The following FADS2 variants were observed in gnomAD, a reference collection of about 807,000 sequenced individuals.
The protein encoded by FADS2 is fatty acid desaturase 2.
In FADS2, 18 loss-of-function variants were observed where a neutral mutation model predicts 61.2. The observed-to-expected ratio is 0.29, with a 90% CI of 0.20 to 0.44. The LOEUF (loss-of-function observed/expected upper bound fraction) is 0.44, where lower values mean the gene tolerates loss of function less well. FADS2 is among the 20% of genes least tolerant of loss of function. FADS2 has a pLI of 1.00. For missense variants in FADS2, 322 were observed against 572.7 expected, an observed-to-expected ratio of 0.56 and a Z score of 4.47; for synonymous variants, 203 against 223.9, an observed-to-expected ratio of 0.91 and a Z score of 0.83.
chr11:61,822,877 G>A (rs951625279), intron 1 of FADS2, among the ~76,000 whole-genome samples: 3 of 152,058 alleles, frequency 2.0e-5, no homozygotes, highest in African/African-American at 7.2e-5. Flanking sequence ...TAAATGTTGC[G>A]ATGGATATTT....
At position 61,840,546 on chromosome 11, in the gene FADS2, C is replaced by T. The variant is rs774351122; in HGVS notation, c.516+15C>T. On this transcript the variant is annotated intron_variant, in intron 3 of 11. Transcript: ENST00000278840. ...CTACCTCTCAGGTGAGGCGTGACAC[C>T]CTCACTTCCCCTAGCTGACAGAGGC... is the stretch of plus-strand genomic sequence containing the variant. 5 of 1,613,854 alleles carry T rather than the reference C, an allele frequency of 3.1e-6. No individual in the cohort carries two copies. Among genetic ancestry groups the T allele is most frequent in the Non-Finnish European group, 4.2e-6 (5 of 1,179,848 alleles).
At chr11:61,853,159 CAA>C (rs1262281665) in intron 5 of FADS2, among the ~76,000 whole-genome samples, 1 of 44,834 alleles carries the variant, frequency 2.2e-5, no homozygotes, top group Non-Finnish European at 4.4e-5. Context: ...CGTCTCAAAA[CAA>C]CAACAACAAC....
chr11:61,847,427 G>C (rs1429869084), intron 4 of FADS2: 6 of 152,006 alleles, frequency 3.9e-5, no homozygotes, highest in African/African-American at 9.7e-5. Flanking sequence ...TCAGCTTTCT[G>C]TCTCTATAGA....
Position 61,863,915 on chromosome 11 carries a change from G to A in FADS2, c.1157+129G>A, listed in dbSNP as rs73489308. 9.9e-3 allele frequency: 7,534 copies of A among 760,688 alleles called. 226 individuals carry two copies. The highest frequency in any genetic ancestry group is 0.051 in the East Asian group (1,934 of 37,612). 47.1% of individuals were successfully genotyped at this position (760,688 alleles called of 1,614,324 possible). On this transcript the variant is annotated intron_variant, in intron 10 of 11. Transcript: ENST00000278840. ...TCTGACAAGGTCTCTGCCCAATATA[G>A]AGCAAGGCTCCCAGCCAGCCCCGCT...
chr11:61,822,056 G>A (rs1180723527), intron 1 of FADS2, among the ~76,000 whole-genome samples: 2 of 151,246 alleles, frequency 1.3e-5, no homozygotes, highest in African/African-American at 2.4e-5. Context: ...TGCAACCTCC[G>A]CCTCCAGGGC....
chr11:61,860,926 C>A (rs1392778522), intron 7 of FADS2, among the ~76,000 whole-genome samples: 1 of 151,184 alleles, frequency 6.6e-6, no homozygotes, highest in East Asian at 2.0e-4. Flanking sequence ...AAAAGTTGGG[C>A]CAGGGCAATG....
chr11:61,823,072 ACTT>A (rs969023973), intron 1 of FADS2, among the ~76,000 whole-genome samples: 2 of 152,172 alleles, frequency 1.3e-5, no homozygotes, highest in Non-Finnish European at 1.5e-5. Context: ...GTTTTACTGC[ACTT>A]CTTATCACCA....
upstream of FADS2, among the ~76,000 whole-genome samples, chr11:61,824,502 G>GAGA (rs140558358): frequency 2.7e-3 from 58 of 21,682 alleles, 15 homozygotes; most frequent in East Asian, 8.7e-3. Context: ...AAGAAAGAAA[G>GAGA]GAAAGAAAGA....
chr11:61,837,906 C>A lies in FADS2; in HGVS notation c.318+18C>A, dbSNP rs774797493. On this transcript the variant is annotated intron_variant, in intron 2 of 11. Coordinates refer to ENST00000278840, the MANE Select transcript of FADS2 (RefSeq NM_004265.4). The stretch of plus-strand genomic sequence containing the variant: ...GCAAGAACGTAAGTCTGGCTTGCAA[C>A]CTGGGTGGGGGTGGAGACGAGGCTG... 2 of 1,580,000 alleles carry A rather than the reference C, an allele frequency of 1.3e-6. No individual in the cohort carries two copies. Among genetic ancestry groups the A allele is most frequent in the East Asian group, 2.3e-5 (1 of 44,376 alleles).
At position 61,828,612 on chromosome 11, in the gene FADS2, G is replaced by T; in HGVS notation, c.207+15G>T. The stretch of plus-strand genomic sequence containing the variant: ...AAGATGCAACGGTAAGGGTCTGGGG[G>T]CGCCCCAGCCACCCTTCTCTGCTGC... On this transcript the variant is annotated intron_variant, in intron 1 of 11. Transcript: ENST00000278840. This position sits in a 1 kb window ranked among gnomAD's most constrained non-coding sequence, Gnocchi z 6.4. 1.2e-6 allele frequency: 2 copies of T among 1,605,110 alleles called. No homozygotes were observed. The highest frequency in any genetic ancestry group is 1.7e-6 in the Non-Finnish European group (2 of 1,174,140).
chr11:61,852,121 C>T (rs2067311945), intron 5 of FADS2, among the ~76,000 whole-genome samples: 2 of 152,162 alleles, frequency 1.3e-5, no homozygotes, highest in Non-Finnish European at 2.9e-5. Context: ...CCGGGCTTGG[C>T]CTGGGCTGGG....
rs1424816494 is a variant in FADS2, at chr11:61,828,847, G to C, written c.207+250G>C. The C allele has an allele frequency of 1.9e-5, 9 of 478,158 alleles. No homozygotes were observed. The highest frequency in any genetic ancestry group is 3.3e-5 in the Non-Finnish European group (9 of 269,438). The allele number at this position is 478,158 out of a possible 1,614,324, so 29.6% of individuals were successfully genotyped here. A position where few individuals can be genotyped will look rare whatever the true frequency, so the allele number is the denominator to read the frequency against. Reference sequence around the variant, plus strand: ...GTGAAAGTCCCAGCGGTGGAGAACAGGGCAAGCATCTACCGCGCGCGCCGG... The same window carrying C: ...GTGAAAGTCCCAGCGGTGGAGAACACGGCAAGCATCTACCGCGCGCGCCGG... On this transcript the variant is annotated intron_variant, in intron 1 of 11. Coordinates refer to ENST00000278840, the MANE Select transcript of FADS2 (RefSeq NM_004265.4). The surrounding 1 kb of genome is among the most constrained non-coding windows in gnomAD (Gnocchi z 6.4).
At chr11:61,848,850 A>G (rs75471190) in intron 5 of FADS2, 12,201 of 153,516 alleles carry the variant, frequency 0.079, 783 homozygotes, top group African/African-American at 0.16. Flanking sequence ...ACCAGTGGAT[A>G]AGAAATTGAA....
At chr11:61,864,142 G>A (rs3741) in intron 10 of FADS2, 16,155 of 240,326 alleles carry the variant, frequency 0.067, 797 homozygotes, top group Non-Finnish European at 0.09. Flanking sequence ...ATCGGCCGAG[G>A]GACTGCCCTG....
At chr11:61,856,759 A>C in intron 5 of FADS2, 1 of 509,256 alleles carries the variant, frequency 2.0e-6, no homozygotes, top group Non-Finnish European at 3.5e-6. Flanking sequence ...CCGGCCTTGT[A>C]GAGGATCGAT....
rs969674309 is a variant in FADS2 at position 61,867,066 on chromosome 11, G to C, written c.*1377G>C. ...AGTCCTGGGAGGATCCTGAGCTGCT[G>C]TTGCAGTCTAACCCACTAATCAGTT... On this transcript the variant is annotated 3_prime_UTR_variant, in exon 12 of 12. Coordinates refer to ENST00000278840, the MANE Select transcript of FADS2 (RefSeq NM_004265.4). The C allele has an allele frequency of 1.3e-5, 2 of 152,430 alleles. No homozygotes were observed. Among genetic ancestry groups the C allele is most frequent in the Non-Finnish European group, 2.9e-5 (2 of 68,100 alleles). The allele number at this position is 152,430 out of a possible 1,614,324, so 9.4% of individuals were successfully genotyped here. A position where few individuals can be genotyped will look rare whatever the true frequency, so the allele number is the denominator to read the frequency against.
rs764017728 is a variant in FADS2 at position 61,865,296 on chromosome 11, C to T, written c.1283+19C>T. On this transcript the variant is annotated intron_variant, in intron 11 of 11. Transcript: ENST00000278840. The surrounding 1 kb of genome is among the most constrained non-coding windows in gnomAD (Gnocchi z 4.1). ...TCATCAGGTGAGGGGTGGAGGTCCACAGGCGCTGGGCCCTGGGATCACCCG... is the reference window on the plus strand; with the variant it reads ...TCATCAGGTGAGGGGTGGAGGTCCATAGGCGCTGGGCCCTGGGATCACCCG... The T allele has an allele frequency of 5.6e-6, 9 of 1,611,318 alleles. 1 individual carries two copies. In the South Asian group the frequency reaches 8.8e-5, roughly 16 times the overall value.
intron 5 of FADS2, chr11:61,855,222 G>C (rs961960993): frequency 2.6e-5 from 4 of 152,452 alleles, no homozygotes; most frequent in African/African-American, 9.6e-5. Flanking sequence ...CAGCCCGAGA[G>C]GGATGGGATG....
At chr11:61,839,224 GC>G (rs2067198948) in intron 2 of FADS2, among the ~76,000 whole-genome samples, 4 of 151,970 alleles carry the variant, frequency 2.6e-5, no homozygotes, top group Admixed American at 2.6e-4. Flanking sequence ...AGTTTGTGTC[GC>G]CCCCAACTCA....
Sources: gnomAD v4.1 joint callset for allele counts (sites outside exome capture counted in the v4.1 genomes callset) on GRCh38, gnomAD v4.1.1 for gene constraint, Gnocchi (gnomAD v3.1) non-coding constraint, MANE v1.5 for transcripts, NCBI Gene and HGNC (gene_info 2026-07-23, HGNC 2026-07-21) for gene names.